The following WDR70 variants were observed in gnomAD, a reference collection of about 807,000 sequenced individuals.
The protein encoded by WDR70 is WD repeat-containing protein 70.
In WDR70, 53 loss-of-function variants were observed where a neutral mutation model predicts 88.6. That is an observed-to-expected ratio of 0.60 (90% CI 0.48 to 0.75). The LOEUF (loss-of-function observed/expected upper bound fraction) is 0.75, where lower values mean the gene tolerates loss of function less well. WDR70 is among the 30% of genes least tolerant of loss of function. The pLI is 0.00. For missense variants in WDR70, 610 were observed against 823.2 expected (o/e 0.74, Z 3.17); for synonymous variants, 280 against 270.0 (o/e 1.04, Z -0.36).
intron 8 of WDR70, among the ~76,000 whole-genome samples, chr5:37,502,188 A>AT (rs1199790201): frequency 2.0e-5 from 3 of 149,782 alleles, no homozygotes; most frequent in Admixed American, 6.6e-5. Flanking sequence ...CTTTTTTTTT[A>AT]TTTTTTGCGG....
intron 10 of WDR70, among the ~76,000 whole-genome samples, chr5:37,678,500 T>C (rs976729961): frequency 3.3e-5 from 5 of 152,134 alleles, no homozygotes; most frequent in Admixed American, 3.3e-4. Flanking sequence ...AAGCTTAGTT[T>C]GGCTGGATAT....
chr5:37,722,700 A>G, intron 14 of WDR70, 155 bp from the exon 15 acceptor site: 1 of 643,750 alleles, frequency 1.6e-6, no homozygotes, highest in Middle Eastern at 3.9e-4. Context: ...TTTATCACTG[A>G]GAGCCCATCT....
chr5:37,437,109 A>C (rs1164030314), intron 5 of WDR70, among the ~76,000 whole-genome samples: 3 of 152,124 alleles, frequency 2.0e-5, no homozygotes, highest in African/African-American at 7.2e-5. Flanking sequence ...AGAGCCATTG[A>C]TATCTCCCTG....
chr5:37,695,350 A>G (rs933156534), intron 10 of WDR70, among the ~76,000 whole-genome samples: 1 of 152,108 alleles, frequency 6.6e-6, no homozygotes, highest in African/African-American at 2.4e-5. Context: ...TTGGGTGGGG[A>G]CACAGATCCA....
intron 9 of WDR70, among the ~76,000 whole-genome samples, chr5:37,570,436 C>A (rs1742869214): frequency 6.6e-6 from 1 of 152,088 alleles, no homozygotes; most frequent in African/African-American, 2.4e-5. Context: ...CAGAAAATAT[C>A]TGTTCTGATA....
At chr5:37,684,216 G>C (rs562000800) in intron 10 of WDR70, among the ~76,000 whole-genome samples, 55 of 152,008 alleles carry the variant, frequency 3.6e-4, no homozygotes, top group Non-Finnish European at 6.6e-4. Context: ...GTGATTCTTA[G>C]TTTATTTGGA....
intron 10 of WDR70, among the ~76,000 whole-genome samples, chr5:37,662,951 ATCT>A (rs1034013055): frequency 3.9e-5 from 6 of 152,190 alleles, no homozygotes; most frequent in African/African-American, 1.4e-4. Context: ...TTACAGTGTA[ATCT>A]TCTTGAAGGC....
At chr5:37,628,689 C>T (rs1744735256) in intron 10 of WDR70, among the ~76,000 whole-genome samples, 2 of 152,172 alleles carry the variant, frequency 1.3e-5, no homozygotes, top group East Asian at 3.8e-4. Context: ...AATCCACTTA[C>T]ATTCAAGATT....
At chr5:37,663,735 GTC>G (rs1745763720) in intron 10 of WDR70, among the ~76,000 whole-genome samples, 1 of 152,082 alleles carries the variant, frequency 6.6e-6, no homozygotes. Context: ...TACTGCTGTG[GTC>G]TCTCAGCCTC....
At chr5:37,687,424 G>C (rs1318187751) in intron 10 of WDR70, among the ~76,000 whole-genome samples, 4 of 152,138 alleles carry the variant, frequency 2.6e-5, no homozygotes, top group Admixed American at 2.6e-4. Context: ...TTAATATCCA[G>C]CCATTTATTA....
intron 13 of WDR70, among the ~76,000 whole-genome samples, chr5:37,713,653 C>G (rs1747577965): frequency 6.6e-6 from 1 of 151,262 alleles, no homozygotes; most frequent in South Asian, 2.1e-4. Flanking sequence ...GAGAAACATA[C>G]TTCCTCTATA....
intron 5 of WDR70, among the ~76,000 whole-genome samples, chr5:37,399,028 C>T (rs943261575): frequency 6.6e-6 from 1 of 152,180 alleles, no homozygotes; most frequent in African/African-American, 2.4e-5. Context: ...CCTGTAATCC[C>T]AGCACTTTGG....
In WDR70 at chr5:37,431,297, C is replaced by T. The variant is rs1017318439; in HGVS notation, c.493-6625C>T. 9.2e-5 allele frequency among the ~76,000 whole-genome samples: 14 copies of T among 152,158 alleles called. 1 individual carries two copies. In the East Asian group the frequency reaches 1.3e-3, roughly 15 times the overall value. ...ATTGAATAGTTAATTATAAGAGTGA[C>T]GTCAGGGCTTTGGGTGGAGAGTAAC... On this transcript the variant is annotated intron_variant, in intron 5 of 17. Transcript: ENST00000265107.
At chr5:37,505,561 T>A in intron 8 of WDR70, 1 of 652,862 alleles carries the variant, frequency 1.5e-6, no homozygotes, top group East Asian at 2.6e-5. Context: ...GCAAGCATAA[T>A]TCTCTCAATG....
At chr5:37,698,527 C>T (rs1301239511) in intron 11 of WDR70, among the ~76,000 whole-genome samples, 1 of 152,126 alleles carries the variant, frequency 6.6e-6, no homozygotes, top group African/African-American at 2.4e-5. Flanking sequence ...GGGAACTATG[C>T]TACAGAGGGC....
chr5:37,703,620 A>G (rs1747233453), intron 13 of WDR70, among the ~76,000 whole-genome samples: 1 of 152,224 alleles, frequency 6.6e-6, no homozygotes. Context: ...AAAAAAACAC[A>G]TTAGTTTTCT....
chr5:37,674,142 G>T (rs1746122410), intron 10 of WDR70, among the ~76,000 whole-genome samples: 2 of 152,066 alleles, frequency 1.3e-5, no homozygotes, highest in Non-Finnish European at 2.9e-5. Context: ...ACAGTAATGG[G>T]ATTGATGGGT....
At chr5:37,551,768 G>GTTTTTTTTTTTTTTTTTTTTTTTTTTT (rs1176757597) in intron 9 of WDR70, among the ~76,000 whole-genome samples, 1 of 92,728 alleles carries the variant, frequency 1.1e-5, no homozygotes, top group African/African-American at 4.2e-5. Context: ...TCATTGTTTA[G>GTTTTTTTTTTTTTTTTTTTTTTTTTTT]TTTTTTTTTT....
At chr5:37,436,378 T>C (rs1750467637) in intron 5 of WDR70, among the ~76,000 whole-genome samples, 1 of 152,148 alleles carries the variant, frequency 6.6e-6, no homozygotes, top group South Asian at 2.1e-4. Context: ...GCTGAAGTCA[T>C]CACATGGTTA....
Sources: gnomAD v4.1 joint callset for allele counts (sites outside exome capture counted in the v4.1 genomes callset) on GRCh38, gnomAD v4.1.1 for gene constraint, MANE v1.5 for transcripts, NCBI Gene and HGNC (gene_info 2026-07-23, HGNC 2026-07-21) for gene names.